Variants in VWA3B observed in about 807,000 individuals in gnomAD.
VWA3B encodes the protein von Willebrand factor A domain containing 3B.
A neutral mutation model predicts 158.3 loss-of-function variants in VWA3B; 138 were observed. The ratio of observed to expected loss-of-function variants is 0.87; its 90% CI spans 0.76 to 1.00. The LOEUF is 1.00. Among genes scored for constraint, VWA3B ranks in the 50% least tolerant of loss-of-function variants. The probability of loss-of-function intolerance (pLI) is 0.00; values close to 1 mark genes in which losing one functional copy is unlikely to be tolerated. For synonymous variants in VWA3B, 596 were observed against 587.3 expected (o/e 1.01, Z -0.21); for missense variants, 1,555 against 1,565.1 (o/e 0.99, Z 0.11).
chr2:98,177,060 G>A (rs1680073696), intron 8 of VWA3B, among the ~76,000 whole-genome samples: 1 of 152,196 alleles, frequency 6.6e-6, no homozygotes, highest in African/African-American at 2.4e-5. Flanking sequence ...ATGGCTGTGA[G>A]CCCCTCTGGA....
At position 98,223,910 on chromosome 2, in the gene VWA3B, T is replaced by C. The variant is rs536288447; in HGVS notation, c.2020-4292T>C. Among the ~76,000 whole-genome samples the C allele has an allele frequency of 1.2e-3, 189 of 152,162 alleles. 1 individual carries two copies. Among genetic ancestry groups the C allele is most frequent in the African/African-American group, 4.0e-3 (167 of 41,510 alleles). On this transcript the variant is annotated intron_variant, in intron 14 of 27. Coordinates refer to ENST00000477737, the MANE Select transcript of VWA3B (RefSeq NM_144992.5). ...CATGCGTGGCTAATTTTTTTATTTG[T>C]AGAGATAGGGTCACACTATGTCGCC...
At chr2:98,237,512 A>G (rs973336807) in intron 19 of VWA3B, among the ~76,000 whole-genome samples, 1 of 152,228 alleles carries the variant, frequency 6.6e-6, no homozygotes, top group Non-Finnish European at 1.5e-5. Flanking sequence ...GGAGAAAAAC[A>G]GCTTCCAATG....
At chr2:98,159,437 CG>C (rs2105222050) in intron 7 of VWA3B, among the ~76,000 whole-genome samples, 1 of 152,006 alleles carries the variant, frequency 6.6e-6, no homozygotes, top group African/African-American at 2.4e-5. Flanking sequence ...TTAGTAGAGA[CG>C]GAGTTTCACC....
At chr2:98,182,913 A>AAAATAAATAAAATAAAATAAAAT (rs1553406418) in intron 9 of VWA3B, among the ~76,000 whole-genome samples, 1 of 152,336 alleles carries the variant, frequency 6.6e-6, no homozygotes, top group East Asian at 1.9e-4. Flanking sequence ...GTCTCAAAAT[A>AAAATAAATAAAATAAAATAAAAT]AAATAAAATA....
intron 1 of VWA3B, among the ~76,000 whole-genome samples, chr2:98,091,582 TACC>T (rs1682297522): frequency 6.6e-6 from 1 of 152,226 alleles, no homozygotes; most frequent in Admixed American, 6.5e-5. Context: ...GAGTAGTACC[TACC>T]TCATGAGGTT....
At chr2:98,261,117 GT>G (rs1371178305) in intron 21 of VWA3B, among the ~76,000 whole-genome samples, 1 of 151,530 alleles carries the variant, frequency 6.6e-6, no homozygotes, top group Admixed American at 6.6e-5. Context: ...TCCAATATTT[GT>G]TTCTTTTATT....
At chr2:98,175,086 A>G (rs993673244) in intron 8 of VWA3B, among the ~76,000 whole-genome samples, 2 of 152,182 alleles carry the variant, frequency 1.3e-5, no homozygotes, top group African/African-American at 4.8e-5. Flanking sequence ...TTATTATTTA[A>G]AATGTCCAGT....
chr2:98,167,223 A>C (rs2105273075), intron 8 of VWA3B, among the ~76,000 whole-genome samples: 1 of 152,334 alleles, frequency 6.6e-6, no homozygotes, highest in South Asian at 2.1e-4. Flanking sequence ...ACAGGTCCAT[A>C]GTACCAGGAG....
intron 26 of VWA3B, among the ~76,000 whole-genome samples, chr2:98,304,162 G>A (rs1262693638): frequency 6.6e-6 from 1 of 152,212 alleles, no homozygotes; most frequent in South Asian, 2.1e-4. Context: ...GTGGGAGCAA[G>A]GGGCTGGCCC....
At chr2:98,215,173 G>A (rs1229137851) in intron 13 of VWA3B, among the ~76,000 whole-genome samples, 1 of 152,130 alleles carries the variant, frequency 6.6e-6, no homozygotes, top group Non-Finnish European at 1.5e-5. Context: ...CAGGCGCGGT[G>A]GCTCATGCCT....
At chr2:98,302,387 TGAA>T (rs375671715) in intron 25 of VWA3B, among the ~76,000 whole-genome samples, 141 of 152,342 alleles carry the variant, frequency 9.3e-4, no homozygotes, top group African/African-American at 3.1e-3. Context: ...CAGTCCCTGA[TGAA>T]GAGAAGGGTC....
intron 5 of VWA3B, among the ~76,000 whole-genome samples, chr2:98,127,570 CTGTG>C (rs150384187): frequency 1.1e-5 from 1 of 91,608 alleles, no homozygotes; most frequent in Non-Finnish European, 1.9e-5. Context: ...CTGGTTTAAG[CTGTG>C]TGTGTGTGTG....
chr2:98,115,703 T>C lies in VWA3B; in HGVS notation c.248T>C (p.Leu83Pro). The C allele has an allele frequency of 1.2e-6, 2 of 1,613,840 alleles. No individual in the cohort carries two copies. The highest frequency in any genetic ancestry group is 1.6e-4 in the Middle Eastern group (1 of 6,062). ...RPVASRYADGLFPQLYRAEDG... is the reference protein window; with the variant it reads ...RPVASRYADGPFPQLYRAEDG... ...GTGGCTTCTCGGTATGCTGATGGTC[T>C]GTTTCCACAGCTCTACAGAGCAGAA... Residue 83 changes from leucine (L) to proline (P), a missense_variant, in exon 3 of 28, where the codon CTG (leucine) becomes CCG (proline). Transcript: ENST00000477737.
intron 7 of VWA3B, among the ~76,000 whole-genome samples, chr2:98,160,738 G>A (rs574615743): frequency 2.1e-4 from 32 of 152,316 alleles, no homozygotes; most frequent in Middle Eastern, 3.4e-3. Flanking sequence ...CTTAAGGTTC[G>A]CATTTGGCAG....
Position 98,311,689 on chromosome 2 carries a change from C to T in VWA3B, c.3522-130C>T, listed in dbSNP as rs1253356328. The T allele has an allele frequency of 6.2e-6, 7 of 1,121,752 alleles. No homozygotes were observed. In the African/African-American group the frequency reaches 6.3e-5, roughly 10 times the overall value. 69.5% of individuals were successfully genotyped at this position (1,121,752 alleles called of 1,614,324 possible). On this transcript the variant is annotated intron_variant, in intron 26 of 27. Transcript: ENST00000477737. ...CTAAAGCATTGGGTTCACAGCGCTC[C>T]AGAGACTCCTTTCCATGGGAAGAGG...
At chr2:98,142,290 C>A (rs942312516) in intron 7 of VWA3B, among the ~76,000 whole-genome samples, 1 of 152,144 alleles carries the variant, frequency 6.6e-6, no homozygotes, top group African/African-American at 2.4e-5. Context: ...GGATTCCCCC[C>A]ATGCAGGCTT....
At chr2:98,178,901 G>GA (rs1167790301) in intron 8 of VWA3B, among the ~76,000 whole-genome samples, 6 of 152,152 alleles carry the variant, frequency 3.9e-5, no homozygotes, top group African/African-American at 4.8e-5. Context: ...GTTCATGTTA[G>GA]AAAAAAACAT....
intron 14 of VWA3B, among the ~76,000 whole-genome samples, chr2:98,227,716 A>T (rs1685026870): frequency 6.6e-6 from 1 of 152,210 alleles, no homozygotes; most frequent in African/African-American, 2.4e-5. Flanking sequence ...ACAGAAAGCC[A>T]ATGAGTAGTT....
chr2:98,139,331 C>T (rs1676552389), intron 7 of VWA3B, among the ~76,000 whole-genome samples: 1 of 152,246 alleles, frequency 6.6e-6, no homozygotes, highest in Non-Finnish European at 1.5e-5. Flanking sequence ...CGACGAGCGC[C>T]ACCCCCTGCT....
Sources: gnomAD v4.1 joint callset for allele counts (sites outside exome capture counted in the v4.1 genomes callset) on GRCh38, gnomAD v4.1.1 for gene constraint, MANE v1.5 for transcripts, NCBI Gene and HGNC (gene_info 2026-07-23, HGNC 2026-07-21) for gene names.